Variants in CCL23 observed in about 807,000 individuals in gnomAD.
The protein encoded by CCL23 is C-C motif chemokine ligand 23.
CCL23 carries 10 observed loss-of-function variants against 11.8 expected under a neutral mutation model. That is an observed-to-expected ratio of 0.84 (90% CI 0.52 to 1.43). CCL23 has a LOEUF of 1.43. CCL23 is among the 40% of genes most tolerant of loss of function. CCL23 has a pLI of 0.00. For synonymous variants in CCL23, 60 were observed against 61.0 expected (o/e 0.98, Z 0.07); for missense variants, 181 against 170.9 (o/e 1.06, Z -0.33).
Position 36,013,761 on chromosome 17 carries a change from G to A in CCL23, c.285C>T (p.Cys95=), listed in dbSNP as rs1290000831. 1 of 1,614,026 alleles carries A rather than the reference G, an allele frequency of 6.2e-7. No homozygotes were observed. The highest frequency in any genetic ancestry group is 1.3e-5 in the African/African-American group (1 of 74,926). Residue 95 remains cysteine, a synonymous_variant, in exon 3 of 4, where the codon TGC becomes TGT. Transcript: ENST00000615050. The part of the protein sequence containing the change: ...LESYFETNSE[C]SKPGVIFLTK... ...GCACCTACATGACACCCGGCTTGGA[G>A]CACTCGCTGTTCGTTTCAAAGTAAC...
At chr17:36,013,331 G>A (rs1417928467) in intron 3 of CCL23, 23 bp from the exon 4 acceptor site, 1 of 1,497,674 alleles carries the variant, frequency 6.7e-7, no homozygotes, top group South Asian at 1.1e-5. Flanking sequence ...GGGGAGAAAA[G>A]TTACAAACTG....
chr17:36,016,763 A>G (rs545587591), intron 1 of CCL23, among the ~76,000 whole-genome samples: 2 of 149,594 alleles, frequency 1.3e-5, no homozygotes, highest in Non-Finnish European at 3.0e-5. Context: ...TATTAAATAT[A>G]CTTTTAATAT....
At chr17:36,017,173 CAAT>C (rs1184952719) in intron 1 of CCL23, among the ~76,000 whole-genome samples, 3 of 152,000 alleles carry the variant, frequency 2.0e-5, no homozygotes, top group Admixed American at 6.6e-5. Flanking sequence ...TGTAAAATGT[CAAT>C]AATAATAATA....
intron 3 of CCL23, 106 bp from the exon 4 acceptor site, chr17:36,013,414 G>T (rs1173973571): frequency 4.5e-6 from 3 of 672,994 alleles, no homozygotes; most frequent in Non-Finnish European, 7.7e-6. Flanking sequence ...AATATAGCCA[G>T]TTTTTTTTTC....
At chr17:36,014,518 A>G (rs117230744) in intron 1 of CCL23, 125 bp from the exon 2 acceptor site, 10,609 of 736,476 alleles carry the variant, frequency 0.014, 126 homozygotes, top group Middle Eastern at 0.032. Context: ...GACCACCACC[A>G]CCTGTCTGGG....
rs1285783556 is a variant in CCL23 at position 36,013,840 on chromosome 17, G to C, written c.206C>G (p.Ala69Gly). 2.5e-6 allele frequency: 4 copies of C among 1,613,922 alleles called. No homozygotes were observed. The highest frequency in any genetic ancestry group is 1.7e-5 in the Admixed American group (1 of 60,004). ...SHAAGFHATS[A>G]DCCISYTPRS... ...TGGGGTGTAGGAGATGCAGCAGTCA[G>C]CACTAGTAGCATGGAATCCTGCAGC... Residue 69 changes from alanine (A) to glycine (G), a missense_variant, in exon 3 of 4, where the codon GCT becomes GGT. Ala to Gly is a moderately conservative substitution (Grantham distance 60). Coordinates refer to ENST00000615050, the MANE Select transcript of CCL23 (RefSeq NM_005064.6).
chr17:36,013,222 G>A lies in CCL23; in HGVS notation c.389C>T (p.Thr130Ile), dbSNP rs1468197974. 4.8e-5 allele frequency: 77 copies of A among 1,612,136 alleles called. No individual in the cohort carries two copies. The highest frequency in any genetic ancestry group is 6.5e-5 in the Non-Finnish European group (77 of 1,178,292). ...TCAATTCTTCCTGGTCTTGATCCGT[G>A]TGTCCAGCTTCAGCATTCTCATGCA... Reference protein sequence around the residue: ...QVCMRMLKLDTRIKTRKN With the variant: ...QVCMRMLKLDIRIKTRKN Residue 130 changes from threonine to isoleucine, a missense_variant, in exon 4 of 4, where the codon ACA becomes ATA. Transcript: ENST00000615050.
chr17:36,017,103 C>T (rs945803534), intron 1 of CCL23, among the ~76,000 whole-genome samples: 5 of 151,990 alleles, frequency 3.3e-5, no homozygotes, highest in Admixed American at 1.3e-4. Context: ...TTAATTCCAC[C>T]GCTTAATAGT....
At chr17:36,014,449 G>T in intron 1 of CCL23, 56 bp from the exon 2 acceptor site, 1 of 1,375,304 alleles carries the variant, frequency 7.3e-7, no homozygotes, top group Non-Finnish European at 1.0e-6. Flanking sequence ...CATTGTTTCA[G>T]CATCTCCACC....
At position 36,013,748 on chromosome 17, in the gene CCL23, C is replaced by T; in HGVS notation, c.298G>A (p.Val100Ile). Reference sequence around the variant, plus strand: ...TTTGGTGAGCTTGGCACCTACATGACACCCGGCTTGGAGCACTCGCTGTTC... The same window carrying T: ...TTTGGTGAGCTTGGCACCTACATGATACCCGGCTTGGAGCACTCGCTGTTC... ...ETNSECSKPG[V>I]IFLTKKGRRF... Residue 100 changes from valine (V) to isoleucine (I), a missense_variant, in exon 3 of 4, where the codon GTC (valine) becomes ATC (isoleucine). Physicochemically the swap from Val to Ile is conservative, Grantham distance 29. Coordinates refer to ENST00000615050, the MANE Select transcript of CCL23 (RefSeq NM_005064.6). 6.2e-7 allele frequency: 1 copy of T among 1,614,110 alleles called. No homozygotes were observed.
At chr17:36,015,957 T>C (rs2090094983) in intron 1 of CCL23, among the ~76,000 whole-genome samples, 1 of 151,804 alleles carries the variant, frequency 6.6e-6, no homozygotes, top group South Asian at 2.1e-4. Flanking sequence ...GGCAGGAGAA[T>C]CGTTTGAACC....
In CCL23 at chr17:36,013,178, T is replaced by C. The variant is rs1174376844; in HGVS notation, c.*19A>G. On this transcript the variant is annotated 3_prime_UTR_variant, in exon 4 of 4. Coordinates refer to ENST00000615050, the MANE Select transcript of CCL23 (RefSeq NM_005064.6). ...GAAAGTTGGTGGCTGGCAACTTGTG[T>C]CCCTTCACCTTGACAAGTTCAATTC... is the stretch of plus-strand genomic sequence containing the variant. 1 of 1,482,250 alleles carries C rather than the reference T, an allele frequency of 6.7e-7. No individual in the cohort carries two copies. The highest frequency in any genetic ancestry group is 1.7e-5 in the Admixed American group (1 of 59,184). The allele number at this position is 1,482,250 out of a possible 1,614,324, so 91.8% of individuals were successfully genotyped here.
chr17:36,017,735 A>G (rs1445657414), intron 1 of CCL23, 87 bp downstream of exon 1: 5 of 1,173,744 alleles, frequency 4.3e-6, no homozygotes, highest in Non-Finnish European at 6.3e-6. Flanking sequence ...TGGGATGGAG[A>G]GTAGTTACAG....
chr17:36,013,959 G>C (rs370259219), intron 2 of CCL23, 50 bp from the exon 3 acceptor site: 1 of 1,567,278 alleles, frequency 6.4e-7, no homozygotes, highest in Non-Finnish European at 8.8e-7. Flanking sequence ...TTCCTCCTCC[G>C]TGACCAGCAC....
At position 36,014,927 on chromosome 17, in the gene CCL23, T is replaced by A. The variant is rs765967976; in HGVS notation, c.77-534A>T. 2.0e-4 allele frequency among the ~76,000 whole-genome samples: 30 copies of A among 150,770 alleles called. 1 individual carries two copies. The highest frequency in any genetic ancestry group is 4.3e-4 in the Non-Finnish European group (29 of 67,998). On this transcript the variant is annotated intron_variant, in intron 1 of 3. Transcript: ENST00000615050. Reference sequence around the variant, plus strand: ...TAAGTACCATCAATATATGTTTAAGTTTTTTACTAAATCATTTTTAAATCG... The same window carrying A: ...TAAGTACCATCAATATATGTTTAAGATTTTTACTAAATCATTTTTAAATCG...
Position 36,013,204 on chromosome 17 carries a change from T to G in CCL23, c.407A>C (p.Lys136Thr). The G allele has an allele frequency of 6.2e-7, 1 of 1,607,002 alleles. No homozygotes were observed. Among genetic ancestry groups the G allele is most frequent in the Non-Finnish European group, 8.5e-7 (1 of 1,173,416 alleles). Residue 136 changes from lysine to threonine, a missense_variant, in exon 4 of 4, where the codon AAG becomes ACG. Coordinates refer to ENST00000615050, the MANE Select transcript of CCL23 (RefSeq NM_005064.6). ...LKLDTRIKTR[K>T]N ...CCCTTCACCTTGACAAGTTCAATTC[T>G]TCCTGGTCTTGATCCGTGTGTCCAG...
At chr17:36,017,538 T>C (rs1046399741) in intron 1 of CCL23, among the ~76,000 whole-genome samples, 2 of 152,198 alleles carry the variant, frequency 1.3e-5, no homozygotes, top group African/African-American at 4.8e-5. Context: ...CTTCTTTTAA[T>C]CTAGCACTTA....
rs1224413211 is a variant in CCL23 at position 36,015,723 on chromosome 17, TG to T, written c.77-1331del. Among the ~76,000 whole-genome samples, 9 of 152,334 alleles carry T rather than the reference TG, an allele frequency of 5.9e-5. 1 individual carries two copies. The highest frequency in any genetic ancestry group is 2.2e-4 in the African/African-American group (9 of 41,586). On this transcript the variant is annotated intron_variant, in intron 1 of 3. Transcript: ENST00000615050. ...AAGTTAGTTTATTTCCACAATTGAC[TG>T]TCTCACAGAATAAAGCTAGCCTTAA...
At chr17:36,014,473 ATCC>A (rs145880426) in intron 1 of CCL23, 80 bp from the exon 2 acceptor site, 24,920 of 1,110,994 alleles carry the variant, frequency 0.022, 396 homozygotes, top group Non-Finnish European at 0.025. Context: ...CCCATTGCTC[ATCC>A]TCCTCCTGAG....
Sources: gnomAD v4.1 joint callset for allele counts (sites outside exome capture counted in the v4.1 genomes callset) on GRCh38, gnomAD v4.1.1 for gene constraint, MANE v1.5 for transcripts, NCBI Gene and HGNC (gene_info 2026-07-23, HGNC 2026-07-21) for gene names.